Variants in RBPMS observed in about 807,000 individuals in gnomAD.
The protein encoded by RBPMS is RNA-binding protein with multiple splicing.
Under a neutral mutation model 26.8 loss-of-function variants are expected in RBPMS, and 7 were observed. The observed-to-expected ratio is 0.26, with a 90% CI of 0.15 to 0.49. RBPMS has a LOEUF of 0.49. RBPMS is among the 20% of genes least tolerant of loss of function. The pLI, the probability that RBPMS is intolerant of heterozygous loss-of-function variation, is 0.98. For missense variants in RBPMS, 186 were observed against 250.0 expected, an observed-to-expected ratio of 0.74 and a Z score of 1.73; for synonymous variants, 96 against 93.3, an observed-to-expected ratio of 1.03 and a Z score of -0.17.
intron 8 of RBPMS, among the ~76,000 whole-genome samples, chr8:30,567,271 G>T (rs911740112): frequency 6.6e-6 from 1 of 152,188 alleles, no homozygotes; most frequent in African/African-American, 2.4e-5. Flanking sequence ...TTCATACTCC[G>T]ACGATACCTC....
intron 1 of RBPMS, among the ~76,000 whole-genome samples, chr8:30,451,211 C>G (rs907978267): frequency 1.3e-5 from 2 of 152,162 alleles, no homozygotes; most frequent in Non-Finnish European, 2.9e-5. Flanking sequence ...TCTTTAGATT[C>G]ACACCTGCCA....
chr8:30,505,243 A>C (rs1284413682), intron 5 of RBPMS, among the ~76,000 whole-genome samples: 7 of 152,190 alleles, frequency 4.6e-5, no homozygotes, highest in African/African-American at 4.8e-5. Flanking sequence ...AGGAAACCCA[A>C]GTGACTTGGA....
chr8:30,420,459 G>A (rs887216182), intron 1 of RBPMS, among the ~76,000 whole-genome samples: 3 of 152,032 alleles, frequency 2.0e-5, no homozygotes, highest in Non-Finnish European at 2.9e-5. Context: ...TTTCCACACC[G>A]GATATCAAAA....
At chr8:30,473,498 G>C (rs2150823866) in intron 1 of RBPMS, among the ~76,000 whole-genome samples, 1 of 152,268 alleles carries the variant, frequency 6.6e-6, no homozygotes, top group East Asian at 1.9e-4. Context: ...CCTATGTGTT[G>C]ATTGTGCCTT....
At chr8:30,462,648 G>A (rs956365499) in intron 1 of RBPMS, among the ~76,000 whole-genome samples, 54 of 152,044 alleles carry the variant, frequency 3.6e-4, no homozygotes, top group African/African-American at 1.1e-3. Context: ...GGCTGGTCTC[G>A]AACTCCTGAC....
intron 1 of RBPMS, among the ~76,000 whole-genome samples, chr8:30,428,200 T>C (rs972656852): frequency 2.0e-5 from 3 of 151,820 alleles, no homozygotes; most frequent in Non-Finnish European, 4.4e-5. Context: ...ATTTTTGTAT[T>C]TTTAGTAGAG....
At position 30,436,000 on chromosome 8, in the gene RBPMS, T is replaced by C. The variant is rs573883634; in HGVS notation, c.67-38779T>C. On this transcript the variant is annotated intron_variant, in intron 1 of 8. Coordinates refer to ENST00000397323, the MANE Select transcript of RBPMS (RefSeq NM_001008710.3). ...TTAGATTATTTAAATTAGGACTATATTGATCTGAAATATAAAGAATTGGGG... is the reference window on the plus strand; with the variant it reads ...TTAGATTATTTAAATTAGGACTATACTGATCTGAAATATAAAGAATTGGGG... 1.4e-4 allele frequency among the ~76,000 whole-genome samples: 21 copies of C among 152,230 alleles called. No individual in the cohort carries two copies. The South Asian group carries it at 4.1e-3, about 30-fold the overall frequency.
intron 1 of RBPMS, among the ~76,000 whole-genome samples, chr8:30,409,929 C>A (rs570723955): frequency 6.6e-6 from 1 of 152,236 alleles, no homozygotes; most frequent in African/African-American, 2.4e-5. Context: ...CCGCACCCAG[C>A]CTTACTTATA....
intron 1 of RBPMS, among the ~76,000 whole-genome samples, chr8:30,420,227 C>CAA (rs757041021): frequency 5.9e-4 from 74 of 126,334 alleles, no homozygotes; most frequent in African/African-American, 2.1e-3. Context: ...GACCCTGCTT[C>CAA]AAAAAAAAAA....
intron 7 of RBPMS, among the ~76,000 whole-genome samples, chr8:30,562,770 C>G (rs149038631): frequency 2.7e-5 from 4 of 148,422 alleles, no homozygotes; most frequent in African/African-American, 9.7e-5. Flanking sequence ...TCTTCCCCAT[C>G]TTGCTTTCCC....
chr8:30,386,205 C>G (rs1347107760), intron 1 of RBPMS, among the ~76,000 whole-genome samples: 1 of 152,190 alleles, frequency 6.6e-6, no homozygotes, highest in East Asian at 1.9e-4. Context: ...TAAACGGATT[C>G]TAAAGCGTTA....
intron 5 of RBPMS, among the ~76,000 whole-genome samples, chr8:30,523,347 A>G (rs1823251104): frequency 6.6e-6 from 1 of 151,582 alleles, no homozygotes; most frequent in South Asian, 2.1e-4. Context: ...ACTGCATTCC[A>G]GCCTGGGCAA....
chr8:30,559,780 T>A (rs1827290899), intron 7 of RBPMS, among the ~76,000 whole-genome samples: 1 of 152,232 alleles, frequency 6.6e-6, no homozygotes, highest in African/African-American at 2.4e-5. Flanking sequence ...AGGGGCCTGA[T>A]CCTCATGCTG....
chr8:30,411,218 T>C (rs991352676), intron 1 of RBPMS, among the ~76,000 whole-genome samples: 1 of 152,202 alleles, frequency 6.6e-6, no homozygotes, highest in Non-Finnish European at 1.5e-5. Flanking sequence ...TCCTCCTGTA[T>C]GTGTCTTTAC....
intron 1 of RBPMS, among the ~76,000 whole-genome samples, chr8:30,447,993 C>G (rs997348159): frequency 6.6e-6 from 1 of 152,166 alleles, no homozygotes; most frequent in African/African-American, 2.4e-5. Context: ...CCTCAGCAAT[C>G]TATAGTCCAT....
At chr8:30,459,131 T>C (rs1815601452) in intron 1 of RBPMS, among the ~76,000 whole-genome samples, 1 of 151,868 alleles carries the variant, frequency 6.6e-6, no homozygotes, top group African/African-American at 2.4e-5. Context: ...CCGGCTAGTT[T>C]TTGTATTTTT....
intron 1 of RBPMS, among the ~76,000 whole-genome samples, chr8:30,467,360 T>C (rs1236193118): frequency 6.6e-6 from 1 of 152,178 alleles, no homozygotes; most frequent in Non-Finnish European, 1.5e-5. Context: ...GTGTGTAAAA[T>C]TTACAAGCTG....
chr8:30,410,762 A>ATT (rs1027848224), intron 1 of RBPMS, among the ~76,000 whole-genome samples: 2 of 143,092 alleles, frequency 1.4e-5, no homozygotes, highest in African/African-American at 5.2e-5. Flanking sequence ...TAGAGACAAG[A>ATT]TCTCACTGTG....
At chr8:30,531,498 TC>T (rs1440279049) in intron 5 of RBPMS, among the ~76,000 whole-genome samples, 1 of 152,200 alleles carries the variant, frequency 6.6e-6, no homozygotes, top group Non-Finnish European at 1.5e-5. Flanking sequence ...TACTTACTAT[TC>T]CCCAGAAAGA....
Sources: gnomAD v4.1 joint callset for allele counts (sites outside exome capture counted in the v4.1 genomes callset) on GRCh38, gnomAD v4.1.1 for gene constraint, MANE v1.5 for transcripts, NCBI Gene and HGNC (gene_info 2026-07-23, HGNC 2026-07-21) for gene names.